C5: variants seen among roughly 807,000 people sequenced by gnomAD.
C5 encodes the protein complement C5, also known as C3 and PZP-like alpha-2-macroglobulin domain-containing protein 4.
Under a neutral mutation model 218.8 loss-of-function variants are expected in C5, and 140 were observed. The ratio of observed to expected loss-of-function variants is 0.64; its 90% CI spans 0.56 to 0.74. The LOEUF (loss-of-function observed/expected upper bound fraction) is 0.74, where lower values mean the gene tolerates loss of function less well. Ranked by LOEUF, C5 falls within the 30% of genes least tolerant of loss-of-function variation. C5 has a pLI of 0.00. For missense variants in C5, 1,700 were observed against 1,969.6 expected, an observed-to-expected ratio of 0.86 and a Z score of 2.59; for synonymous variants, 614 against 682.3, an observed-to-expected ratio of 0.90 and a Z score of 1.56.
the C5 span, among the ~76,000 whole-genome samples, chr9:121,062,038 G>T: frequency 6.6e-6 from 1 of 151,728 alleles, no homozygotes; most frequent in African/African-American, 2.4e-5. Context: ...ATATGATAAG[G>T]CTCCTTGTTT....
intron 29 of C5, among the ~76,000 whole-genome samples, chr9:120,976,309 T>C (rs541951384): frequency 5.3e-5 from 8 of 152,364 alleles, no homozygotes; most frequent in East Asian, 3.9e-4. Context: ...CCACTTTTTA[T>C]TTATTTCGTT....
At chr9:120,982,384 A>G (rs547783040) in intron 26 of C5, among the ~76,000 whole-genome samples, 12 of 152,302 alleles carry the variant, frequency 7.9e-5, no homozygotes, top group East Asian at 1.9e-4. Context: ...CCCTGGGTCT[A>G]TCTCGCTTGA....
At chr9:121,058,688 C>T in the C5 span, among the ~76,000 whole-genome samples, 1 of 152,222 alleles carries the variant, frequency 6.6e-6, no homozygotes, top group South Asian at 2.1e-4. Flanking sequence ...ATCTACCCAC[C>T]TCGGCTTCCC....
At chr9:121,042,092 G>A (rs2047586661) in intron 3 of C5, among the ~76,000 whole-genome samples, 1 of 152,098 alleles carries the variant, frequency 6.6e-6, no homozygotes, top group African/African-American at 2.4e-5. Context: ...CCTCCTCCAA[G>A]AATATCATTA....
chr9:121,004,760 A>G (rs1177053846), intron 20 of C5, among the ~76,000 whole-genome samples: 1 of 152,072 alleles, frequency 6.6e-6, no homozygotes, highest in Non-Finnish European at 1.5e-5. Flanking sequence ...GCAATAGAAC[A>G]AGACCCCATC....
intron 9 of C5, among the ~76,000 whole-genome samples, chr9:121,024,156 G>A (rs1376063010): frequency 1.5e-5 from 2 of 134,332 alleles, no homozygotes; most frequent in Non-Finnish European, 3.2e-5. Context: ...GGAGGCGGAG[G>A]TTGCATTGAG....
At chr9:121,066,764 C>T in the C5 span, among the ~76,000 whole-genome samples, 3 of 150,862 alleles carry the variant, frequency 2.0e-5, no homozygotes, top group South Asian at 2.1e-4. Context: ...GCAGAAGAAT[C>T]GCTTAAACCT....
At chr9:121,016,451 T>A in intron 14 of C5, 68 bp from the exon 15 acceptor site, 1 of 1,573,790 alleles carries the variant, frequency 6.4e-7, no homozygotes, top group Non-Finnish European at 8.7e-7. Context: ...ATCTAAAAGG[T>A]ACTAATTGTT....
At chr9:121,064,999 G>T in the C5 span, among the ~76,000 whole-genome samples, 2 of 152,130 alleles carry the variant, frequency 1.3e-5, no homozygotes, top group East Asian at 3.8e-4. Context: ...GAATCCAGGA[G>T]GCAGAGGTTG....
At chr9:121,004,904 C>T (rs945963416) in intron 20 of C5, among the ~76,000 whole-genome samples, 31 of 151,590 alleles carry the variant, frequency 2.0e-4, no homozygotes, top group African/African-American at 7.0e-4. Context: ...TAATAGATTG[C>T]CATCTTTTAA....
chr9:120,970,402 G>A, intron 31 of C5, 151 bp from the exon 32 acceptor site: 1 of 689,740 alleles, frequency 1.4e-6, no homozygotes, highest in Middle Eastern at 2.4e-4. Flanking sequence ...CATTTTTCCA[G>A]CAGCTGGACT....
At chr9:121,055,852 C>T in the C5 span, among the ~76,000 whole-genome samples, 3 of 152,208 alleles carry the variant, frequency 2.0e-5, no homozygotes, top group African/African-American at 7.2e-5. Flanking sequence ...AGAGTGTCTG[C>T]ATCACTCCTC....
Position 120,997,639 on chromosome 9 carries a change from C to T in C5, c.2698G>A (p.Val900Met), listed in dbSNP as rs1009923123. ...GSSSHLVTFTVLPLEIGLHNI... is the reference protein window; with the variant it reads ...GSSSHLVTFTMLPLEIGLHNI... ...TGAAGGCCAATTTCCAGAGGAAGCACAGTGAATGTCACCAAGTGACTGGAG... is the reference window on the plus strand; with the variant it reads ...TGAAGGCCAATTTCCAGAGGAAGCATAGTGAATGTCACCAAGTGACTGGAG... Residue 900 changes from valine (V) to methionine (M), a missense_variant, in exon 21 of 41, where the codon GTG becomes ATG. Val to Met is a conservative substitution (Grantham distance 21). Coordinates refer to ENST00000223642, the MANE Select transcript of C5 (RefSeq NM_001735.3). The T allele has an allele frequency of 1.9e-6, 3 of 1,614,012 alleles. No homozygotes were observed. Among genetic ancestry groups the T allele is most frequent in the South Asian group, 2.2e-5 (2 of 91,078 alleles).
intron 20 of C5, among the ~76,000 whole-genome samples, chr9:121,002,314 G>GTATATATA (rs1260903533): frequency 3.7e-4 from 23 of 62,462 alleles, no homozygotes; most frequent in East Asian, 7.1e-4. Context: ...ATATATGTGT[G>GTATATATA]TGTATATATA....
rs756142980 is a variant in C5, at chr9:120,991,280, C to T, written c.2852G>A (p.Gly951Asp). Residue 951 changes from glycine to aspartate, a missense_variant and splice_region_variant, in exon 23 of 41, where the codon GGT becomes GAT. Gly to Asp is a moderately conservative substitution (Grantham distance 94). Coordinates refer to ENST00000223642, the MANE Select transcript of C5 (RefSeq NM_001735.3). ...GAACTCCTTTCGTCTGCTAATGGTA[C>T]CTGTAATTTAGAAAATTTGGATTTA... Reference protein sequence around the residue: ...GVTLDPRGIYGTISRRKEFPY... With the variant: ...GVTLDPRGIYDTISRRKEFPY... 6.3e-7 allele frequency: 1 copy of T among 1,588,208 alleles called. No individual in the cohort carries two copies. Among genetic ancestry groups the T allele is most frequent in the Admixed American group, 1.7e-5 (1 of 59,982 alleles).
the C5 span, among the ~76,000 whole-genome samples, chr9:121,064,587 C>A: frequency 6.6e-6 from 1 of 152,106 alleles, no homozygotes; most frequent in East Asian, 1.9e-4. Context: ...TCATAAATTC[C>A]TCAAATAATT....
chr9:120,974,673 T>C (rs2046939046), intron 30 of C5, 106 bp downstream of exon 30: 2 of 1,071,912 alleles, frequency 1.9e-6, no homozygotes, highest in African/African-American at 3.2e-5. Flanking sequence ...TGACACTCAA[T>C]ATATGTTTAA....
At chr9:120,959,701 C>T (rs768541547) in intron 38 of C5, among the ~76,000 whole-genome samples, 2 of 152,174 alleles carry the variant, frequency 1.3e-5, no homozygotes, top group Non-Finnish European at 2.9e-5. Flanking sequence ...TGAGACAAGG[C>T]TACAACTGTA....
In C5 at chr9:120,961,224, A is replaced by G. The variant is rs376137732; in HGVS notation, c.4588+258T>C. On this transcript the variant is annotated intron_variant, in intron 37 of 40. Coordinates refer to ENST00000223642, the MANE Select transcript of C5 (RefSeq NM_001735.3). ...CTAGGTGAAAGTAAAATCTCACATC[A>G]TGTTGCCCCTATAATATTCAACAAC... 3.9e-5 allele frequency among the ~76,000 whole-genome samples: 6 copies of G among 152,102 alleles called. No homozygotes were observed. The East Asian group carries it at 9.6e-4, about 24-fold the overall frequency.
Sources: allele counts gnomAD v4.1 joint callset (sites outside exome capture counted in the v4.1 genomes callset), GRCh38; gene constraint gnomAD v4.1.1; transcripts MANE v1.5; gene names NCBI Gene and HGNC (gene_info 2026-07-23, HGNC 2026-07-21).